Variants in DISC1 observed in about 807,000 individuals in gnomAD.
DISC1 encodes disrupted in schizophrenia 1 protein.
A neutral mutation model predicts 84.5 loss-of-function variants in DISC1; 57 were observed. The ratio of observed to expected loss-of-function variants is 0.67; its 90% CI spans 0.55 to 0.84. The LOEUF is 0.84. Among genes scored for constraint, DISC1 ranks in the 40% least tolerant of loss-of-function variants. The pLI, the probability that DISC1 is intolerant of heterozygous loss-of-function variation, is 0.00. For synonymous variants in DISC1, 411 were observed against 415.2 expected (o/e 0.99, Z 0.12); for missense variants, 1,000 against 1,057.8 (o/e 0.95, Z 0.76).
intron 8 of DISC1, among the ~76,000 whole-genome samples, chr1:231,811,966 C>G (rs1297746220): frequency 6.6e-6 from 1 of 152,154 alleles, no homozygotes; most frequent in Non-Finnish European, 1.5e-5. Flanking sequence ...GTAATGAGAG[C>G]ATTGTAGTCT....
At chr1:232,004,865 C>A (rs1358461390) in intron 10 of DISC1, among the ~76,000 whole-genome samples, 3 of 71,470 alleles carry the variant, frequency 4.2e-5, no homozygotes, top group Non-Finnish European at 6.1e-5. Context: ...CCCTCCCTCC[C>A]TGCCTCCCTC....
intron 9 of DISC1, among the ~76,000 whole-genome samples, chr1:231,947,479 CG>C (rs1310906319): frequency 2.0e-5 from 3 of 151,998 alleles, no homozygotes; most frequent in African/African-American, 7.3e-5. Flanking sequence ...GAGACTTAAA[CG>C]TAAGACCTAG....
chr1:231,802,925 C>A (rs895101341), intron 8 of DISC1, among the ~76,000 whole-genome samples: 3 of 152,074 alleles, frequency 2.0e-5, no homozygotes, highest in Non-Finnish European at 4.4e-5. Flanking sequence ...ACTACCAAGT[C>A]CCAAAACCAA....
chr1:231,963,409 G>A (rs1287989197), intron 10 of DISC1, among the ~76,000 whole-genome samples: 1 of 152,106 alleles, frequency 6.6e-6, no homozygotes, highest in African/African-American at 2.4e-5. Context: ...AATATTTAGG[G>A]ATTTGAAGTC....
At chr1:231,929,485 T>C (rs937821013) in intron 9 of DISC1, among the ~76,000 whole-genome samples, 2 of 152,366 alleles carry the variant, frequency 1.3e-5, no homozygotes, top group East Asian at 3.9e-4. Flanking sequence ...AGTCTGCCGC[T>C]GTGCTGTTAT....
At chr1:231,885,047 G>C (rs578049244) in intron 9 of DISC1, among the ~76,000 whole-genome samples, 1 of 152,278 alleles carries the variant, frequency 6.6e-6, no homozygotes, top group South Asian at 2.1e-4. Context: ...TCATTTTCAT[G>C]AAACAGAGGG....
chr1:231,973,034 G>T (rs1662231415), intron 10 of DISC1, among the ~76,000 whole-genome samples: 1 of 151,124 alleles, frequency 6.6e-6, no homozygotes, highest in Non-Finnish European at 1.5e-5. Context: ...ATACTAGTAT[G>T]CCAATGTCTT....
chr1:231,968,289 T>G (rs1449796388), intron 10 of DISC1, among the ~76,000 whole-genome samples: 1 of 152,134 alleles, frequency 6.6e-6, no homozygotes, highest in Non-Finnish European at 1.5e-5. Context: ...CTCCCTGTGT[T>G]AGGAAAGCCT....
At chr1:231,764,710 T>G (rs1401490413) in intron 4 of DISC1, among the ~76,000 whole-genome samples, 1 of 152,214 alleles carries the variant, frequency 6.6e-6, no homozygotes, top group Non-Finnish European at 1.5e-5. Context: ...GATCTTTGTG[T>G]AAAACTATGA....
intron 10 of DISC1, among the ~76,000 whole-genome samples, chr1:231,978,607 G>A (rs943028657): frequency 2.6e-5 from 4 of 152,136 alleles, no homozygotes; most frequent in East Asian, 1.9e-4. Context: ...TCACGGTTTC[G>A]TATATTCGTG....
chr1:231,660,645 G>A (rs575103109), intron 1 of DISC1, among the ~76,000 whole-genome samples: 1 of 152,040 alleles, frequency 6.6e-6, no homozygotes. Flanking sequence ...AGTAGAGATG[G>A]GGTTTCACCA....
In DISC1 at chr1:231,808,852, A is replaced by AG. The variant is rs776525525; in HGVS notation, c.1792+8644dup. Among the ~76,000 whole-genome samples, 3 of 152,328 alleles carry AG rather than the reference A, an allele frequency of 2.0e-5. No homozygotes were observed. The East Asian group carries it at 5.8e-4, about 29-fold the overall frequency. The stretch of plus-strand genomic sequence containing the variant: ...GGGCATCCCCTGGTCTTCAGATGGA[A>AG]GGTGCAAAGGCAATATACACCACAG... On this transcript the variant is annotated intron_variant, in intron 8 of 12. Transcript: ENST00000439617.
Position 232,034,378 on chromosome 1 carries a change from G to A in DISC1, c.2426-2314G>A, listed in dbSNP as rs78501774. Among the ~76,000 whole-genome samples, 1,119 of 152,264 alleles carry A rather than the reference G, an allele frequency of 7.3e-3. 18 individuals are homozygous for A. Among genetic ancestry groups the A allele is most frequent in the African/African-American group, 0.025 (1,044 of 41,546 alleles). On this transcript the variant is annotated intron_variant, in intron 12 of 12. Coordinates refer to ENST00000439617, the MANE Select transcript of DISC1 (RefSeq NM_018662.3). ...AGTATTTTACAAGTAGAATAATTAAGCATTGATTGATTTGCTGAGCTTACC... is the reference window on the plus strand; with the variant it reads ...AGTATTTTACAAGTAGAATAATTAAACATTGATTGATTTGCTGAGCTTACC...
chr1:231,830,476 A>T (rs191689979), intron 9 of DISC1, among the ~76,000 whole-genome samples: 1 of 152,294 alleles, frequency 6.6e-6, no homozygotes, highest in African/African-American at 2.4e-5. Flanking sequence ...GCCAGCAAAG[A>T]TTATTTATTT....
intron 10 of DISC1, among the ~76,000 whole-genome samples, chr1:232,002,594 AGCACACACAC>A (rs1666831638): frequency 8.7e-6 from 1 of 114,312 alleles, no homozygotes; most frequent in Admixed American, 9.4e-5. Context: ...AATTATGCTG[AGCACACACAC>A]ACACACACAC....
At chr1:231,872,718 G>A (rs2085557262) in intron 9 of DISC1, among the ~76,000 whole-genome samples, 1 of 151,634 alleles carries the variant, frequency 6.6e-6, no homozygotes, top group African/African-American at 2.4e-5. Flanking sequence ...CAGATGACAG[G>A]CACACAGTCT....
intron 1 of DISC1, among the ~76,000 whole-genome samples, chr1:231,660,978 A>T (rs1442373212): frequency 6.6e-6 from 1 of 151,978 alleles, no homozygotes; most frequent in African/African-American, 2.4e-5. Flanking sequence ...TCTGAAAAGG[A>T]TCTTATTTCT....
At chr1:231,913,195 G>A (rs1267887160) in intron 9 of DISC1, among the ~76,000 whole-genome samples, 2 of 152,122 alleles carry the variant, frequency 1.3e-5, no homozygotes, top group Non-Finnish European at 2.9e-5. Flanking sequence ...GTTTTTACTC[G>A]CATGCTTTGT....
At chr1:231,784,836 T>C (rs2077708858) in intron 6 of DISC1, among the ~76,000 whole-genome samples, 1 of 152,170 alleles carries the variant, frequency 6.6e-6, no homozygotes, top group South Asian at 2.1e-4. Context: ...TGCTCCTACC[T>C]CTCAGCTCAG....
Sources: allele counts gnomAD v4.1 joint callset (sites outside exome capture counted in the v4.1 genomes callset), GRCh38; gene constraint gnomAD v4.1.1; transcripts MANE v1.5; gene names NCBI Gene and HGNC (gene_info 2026-07-23, HGNC 2026-07-21).